Variants in KLHL1 observed in about 807,000 individuals in gnomAD.
The protein encoded by KLHL1 is kelch like family member 1, also known as kelch-like protein 1.
KLHL1 carries 47 observed loss-of-function variants against 77.7 expected under a neutral mutation model. The observed-to-expected ratio is 0.60, with a 90% CI of 0.48 to 0.77. The LOEUF (loss-of-function observed/expected upper bound fraction) is 0.77. KLHL1 is among the 30% of genes least tolerant of loss of function. The probability of loss-of-function intolerance (pLI) is 0.00; values close to 1 mark genes in which losing one functional copy is unlikely to be tolerated. For synonymous variants in KLHL1, 360 were observed against 325.2 expected (o/e 1.11, Z -1.15); for missense variants, 925 against 910.8 (o/e 1.02, Z -0.20).
intron 8 of KLHL1, among the ~76,000 whole-genome samples, chr13:69,738,148 A>G (rs1873840963): frequency 6.6e-6 from 1 of 152,026 alleles, no homozygotes; most frequent in Non-Finnish European, 1.5e-5. Flanking sequence ...CAGCATCCCT[A>G]TGGAAAAGGG....
chr13:69,908,507 C>A (rs1008839620), intron 4 of KLHL1, among the ~76,000 whole-genome samples: 2 of 146,336 alleles, frequency 1.4e-5, no homozygotes, highest in Non-Finnish European at 3.0e-5. Flanking sequence ...TTATTTACTG[C>A]CTAAATCTAG....
chr13:69,949,976 A>G (rs1407237167), intron 3 of KLHL1, among the ~76,000 whole-genome samples: 3 of 151,812 alleles, frequency 2.0e-5, no homozygotes, highest in Non-Finnish European at 4.4e-5. Context: ...AATTACCGCA[A>G]AATGATTTTA....
At chr13:69,903,252 A>C (rs945884925) in intron 4 of KLHL1, among the ~76,000 whole-genome samples, 4 of 152,070 alleles carry the variant, frequency 2.6e-5, no homozygotes, top group Non-Finnish European at 5.9e-5. Context: ...GCCAAGATAA[A>C]CTGCAGCCAG....
intron 8 of KLHL1, among the ~76,000 whole-genome samples, chr13:69,728,393 G>A (rs1873394960): frequency 6.9e-6 from 1 of 145,120 alleles, no homozygotes; most frequent in Admixed American, 6.7e-5. Flanking sequence ...AATTACAACT[G>A]CCTTGTAAAA....
rs555142037 is a variant in KLHL1, at chr13:70,014,963, A to G, written c.498-39161T>C. 2.0e-5 allele frequency among the ~76,000 whole-genome samples: 3 copies of G among 150,574 alleles called. No homozygotes were observed. In the East Asian group the frequency reaches 5.8e-4, roughly 29 times the overall value. ...AATACATAACATGTGGTTTATTAAA[A>G]ATTAAGCAAAACAAAACATTAAGCA... On this transcript the variant is annotated intron_variant, in intron 1 of 10. Transcript: ENST00000377844.
chr13:69,962,904 C>T (rs925671923), intron 2 of KLHL1, among the ~76,000 whole-genome samples: 4 of 152,064 alleles, frequency 2.6e-5, no homozygotes, highest in Admixed American at 1.3e-4. Flanking sequence ...CATTTACATT[C>T]GGCTATTTTG....
intron 2 of KLHL1, 42 bp from the exon 3 acceptor site, chr13:69,961,486 G>T (rs1884064009): frequency 6.2e-7 from 1 of 1,607,670 alleles, no homozygotes. Context: ...TGAATGTAAG[G>T]CAGAAAATCA....
chr13:69,985,456 G>C (rs1294846127), intron 1 of KLHL1, among the ~76,000 whole-genome samples: 2 of 151,840 alleles, frequency 1.3e-5, no homozygotes, highest in African/African-American at 2.4e-5. Context: ...CCTTATAACT[G>C]TTAGAATGGT....
At chr13:69,718,832 T>A (rs9542043) in intron 9 of KLHL1, among the ~76,000 whole-genome samples, 147,679 of 152,148 alleles carry the variant, frequency 0.97, 71,689 homozygotes, top group East Asian at 1. Flanking sequence ...TGTTTCCTTC[T>A]TACACCAGAA....
At chr13:70,101,316 A>C (rs1450756136) in intron 1 of KLHL1, among the ~76,000 whole-genome samples, 1 of 152,080 alleles carries the variant, frequency 6.6e-6, no homozygotes, top group Non-Finnish European at 1.5e-5. Context: ...TTCCTATTGC[A>C]TCTTGTATTT....
At chr13:70,030,411 A>C (rs1449948930) in intron 1 of KLHL1, among the ~76,000 whole-genome samples, 7 of 152,170 alleles carry the variant, frequency 4.6e-5, no homozygotes, top group Non-Finnish European at 8.8e-5. Flanking sequence ...CCACAGTGCA[A>C]TCAAACTAGA....
chr13:69,983,828 C>CA (rs1247441392), intron 1 of KLHL1, among the ~76,000 whole-genome samples: 1 of 151,882 alleles, frequency 6.6e-6, no homozygotes, highest in Non-Finnish European at 1.5e-5. Flanking sequence ...TAGCATGGCA[C>CA]AGGCATAAAA....
intron 6 of KLHL1, among the ~76,000 whole-genome samples, chr13:69,837,011 C>T (rs144082506): frequency 4.6e-5 from 7 of 151,898 alleles, no homozygotes; most frequent in African/African-American, 1.2e-4. Flanking sequence ...ATTGACTATA[C>T]GACTCTTTAT....
intron 4 of KLHL1, among the ~76,000 whole-genome samples, chr13:69,923,950 C>T (rs1593953767): frequency 6.6e-6 from 1 of 152,350 alleles, no homozygotes; most frequent in East Asian, 1.9e-4. Context: ...CCTGCTCCTG[C>T]TGCCTGGCCT....
At chr13:69,927,568 T>C (rs1390420335) in intron 4 of KLHL1, among the ~76,000 whole-genome samples, 1 of 152,170 alleles carries the variant, frequency 6.6e-6, no homozygotes, top group Non-Finnish European at 1.5e-5. Flanking sequence ...AAGTAATTTT[T>C]CAAAACTCAA....
At chr13:70,040,845 T>C (rs1265079786) in intron 1 of KLHL1, among the ~76,000 whole-genome samples, 1 of 152,150 alleles carries the variant, frequency 6.6e-6, no homozygotes, top group African/African-American at 2.4e-5. Context: ...TTTCACCAAT[T>C]TATGGAACCC....
chr13:69,722,960 A>C (rs1873137877), intron 8 of KLHL1, among the ~76,000 whole-genome samples: 1 of 152,220 alleles, frequency 6.6e-6, no homozygotes, highest in Non-Finnish European at 1.5e-5. Flanking sequence ...AATGTGCTCC[A>C]TTTGTTGGAA....
chr13:69,709,758 C>G (rs936215908), intron 9 of KLHL1, among the ~76,000 whole-genome samples: 3 of 151,810 alleles, frequency 2.0e-5, no homozygotes, highest in Non-Finnish European at 4.4e-5. Flanking sequence ...AAAGGAAGGA[C>G]AGAGAGGGCA....
At chr13:69,744,335 AT>A (rs896937364) in intron 7 of KLHL1, among the ~76,000 whole-genome samples, 2 of 152,034 alleles carry the variant, frequency 1.3e-5, no homozygotes, top group African/African-American at 4.8e-5. Flanking sequence ...CCAACTGCAT[AT>A]TTCCGTAGGA....
Sources: gnomAD v4.1 joint callset for allele counts (sites outside exome capture counted in the v4.1 genomes callset) on GRCh38, gnomAD v4.1.1 for gene constraint, MANE v1.5 for transcripts, NCBI Gene and HGNC (gene_info 2026-07-23, HGNC 2026-07-21) for gene names.